Variants in RCAN2 observed in about 807,000 individuals in gnomAD.
RCAN2 encodes the protein calcipressin-2.
RCAN2 carries 9 observed loss-of-function variants against 23.6 expected under a neutral mutation model. The observed-to-expected ratio is 0.38, with a 90% confidence interval of 0.23 to 0.67. RCAN2 has a LOEUF of 0.67. Ranked by LOEUF, RCAN2 falls within the 30% of genes least tolerant of loss-of-function variation. RCAN2 has a pLI of 0.51. For missense variants in RCAN2, 273 were observed against 302.3 expected (o/e 0.90, Z 0.72); for synonymous variants, 109 against 115.7 (o/e 0.94, Z 0.37).
At chr6:46,415,199 T>A (rs774781943) in intron 2 of RCAN2, among the ~76,000 whole-genome samples, 2 of 152,098 alleles carry the variant, frequency 1.3e-5, no homozygotes. Context: ...CACTGCACTA[T>A]CCACATGAGC....
intron 2 of RCAN2, among the ~76,000 whole-genome samples, chr6:46,351,933 T>C (rs2150378571): frequency 6.6e-6 from 1 of 152,334 alleles, no homozygotes; most frequent in Non-Finnish European, 1.5e-5. Context: ...CTCTTCCCTC[T>C]GTTCAATGCT....
At chr6:46,380,594 C>T (rs144905021) in intron 2 of RCAN2, among the ~76,000 whole-genome samples, 2,596 of 152,304 alleles carry the variant, frequency 0.017, 53 homozygotes, top group South Asian at 0.12. Context: ...CTGTGTTTAG[C>T]AAGCTCTGCA....
intron 2 of RCAN2, among the ~76,000 whole-genome samples, chr6:46,418,061 C>T (rs1315904485): frequency 6.6e-6 from 1 of 152,112 alleles, no homozygotes; most frequent in Non-Finnish European, 1.5e-5. Flanking sequence ...CATCATTTGA[C>T]ATTAATCATA....
chr6:46,225,756 G>T (rs1259448416), intron 4 of RCAN2, among the ~76,000 whole-genome samples: 1 of 152,174 alleles, frequency 6.6e-6, no homozygotes, highest in Non-Finnish European at 1.5e-5. Flanking sequence ...TCTGATGGTA[G>T]TTTCTTTTGC....
At chr6:46,236,301 C>T (rs1438607291) in intron 4 of RCAN2, among the ~76,000 whole-genome samples, 1 of 152,154 alleles carries the variant, frequency 6.6e-6, no homozygotes, top group African/African-American at 2.4e-5. Context: ...ATCCTTTTTC[C>T]TCCAACCACC....
chr6:46,456,497 G>T (rs566040828), intron 2 of RCAN2, among the ~76,000 whole-genome samples: 8 of 152,302 alleles, frequency 5.3e-5, no homozygotes, highest in African/African-American at 1.4e-4. Context: ...AACACCATTT[G>T]TTTTGCTAGA....
chr6:46,461,030 A>G (rs891206880), intron 1 of RCAN2, among the ~76,000 whole-genome samples: 1 of 152,250 alleles, frequency 6.6e-6, no homozygotes, highest in Admixed American at 6.5e-5. Flanking sequence ...TAGCAAAAAT[A>G]ACATTAATGT....
rs1470108133 is a variant in RCAN2 at position 46,240,327 on chromosome 6, T to A, written c.571+6421A>T. Among the ~76,000 whole-genome samples, 6 of 152,240 alleles carry A rather than the reference T, an allele frequency of 3.9e-5. No homozygotes were observed. The East Asian group carries it at 1.2e-3, about 29-fold the overall frequency. Reference sequence around the variant, plus strand: ...TCCCATTTTTTGGTCATATGTCTTCTGTTTTTCTACAATGTACACAGTTTA... The same window carrying A: ...TCCCATTTTTTGGTCATATGTCTTCAGTTTTTCTACAATGTACACAGTTTA... On this transcript the variant is annotated intron_variant, in intron 4 of 4. Transcript: ENST00000371374.
At chr6:46,438,093 A>G (rs1455865476) in intron 2 of RCAN2, among the ~76,000 whole-genome samples, 1 of 152,002 alleles carries the variant, frequency 6.6e-6, no homozygotes, top group African/African-American at 2.4e-5. Flanking sequence ...TGTCACCCCC[A>G]CTCATCAGTC....
chr6:46,401,193 C>T (rs549297254), intron 2 of RCAN2, among the ~76,000 whole-genome samples: 2 of 152,276 alleles, frequency 1.3e-5, no homozygotes, highest in Non-Finnish European at 2.9e-5. Context: ...AAAACTCTTC[C>T]CTGGAGCACA....
intron 2 of RCAN2, among the ~76,000 whole-genome samples, chr6:46,402,728 T>C (rs532158361): frequency 6.6e-6 from 1 of 152,292 alleles, no homozygotes; most frequent in South Asian, 2.1e-4. Flanking sequence ...ACACCCTTAT[T>C]GTCCAAACAT....
intron 2 of RCAN2, among the ~76,000 whole-genome samples, chr6:46,381,234 T>C (rs944024928): frequency 4.6e-5 from 7 of 152,204 alleles, no homozygotes; most frequent in Non-Finnish European, 8.8e-5. Context: ...TTCTGTGCTA[T>C]GAATGGCAAA....
rs570748914 is a variant in RCAN2 at position 46,225,829 on chromosome 6, C to T, written c.572-2528G>A. On this transcript the variant is annotated intron_variant, in intron 4 of 4. Transcript: ENST00000371374. ...TCAATTTTGGCTTTTGTTGCCATTG[C>T]TTCTGGTGTTTCAGTCATGAAGTCC... Among the ~76,000 whole-genome samples the T allele has an allele frequency of 3.9e-5, 6 of 152,284 alleles. No individual in the cohort carries two copies. The South Asian group carries it at 1.2e-3, about 32-fold the overall frequency.
intron 2 of RCAN2, among the ~76,000 whole-genome samples, chr6:46,257,347 G>C (rs990755525): frequency 6.6e-6 from 1 of 152,102 alleles, no homozygotes; most frequent in Non-Finnish European, 1.5e-5. Flanking sequence ...GCAAGAATTG[G>C]AATTTTTGTT....
At chr6:46,463,521 A>T (rs1219622677) in intron 1 of RCAN2, among the ~76,000 whole-genome samples, 3 of 152,198 alleles carry the variant, frequency 2.0e-5, no homozygotes, top group Non-Finnish European at 4.4e-5. Flanking sequence ...TCCAAGGAAC[A>T]GGGTGATGAT....
chr6:46,477,535 T>C (rs776194815), intron 1 of RCAN2, among the ~76,000 whole-genome samples: 1 of 152,146 alleles, frequency 6.6e-6, no homozygotes, highest in Non-Finnish European at 1.5e-5. Flanking sequence ...TGGAGGAAGA[T>C]ATTATGAGGA....
In RCAN2 at chr6:46,469,407, C is replaced by G. The variant is rs541746370; in HGVS notation, c.-2-12429G>C. Among the ~76,000 whole-genome samples, 5 of 152,196 alleles carry G rather than the reference C, an allele frequency of 3.3e-5. No homozygotes were observed. The East Asian group carries it at 5.8e-4, about 18-fold the overall frequency. On this transcript the variant is annotated intron_variant, in intron 1 of 4. Coordinates refer to ENST00000371374, the MANE Select transcript of RCAN2 (RefSeq NM_001251974.2). ...GACCAGTTCACCACATCCCTCACCC[C>G]CTCCAGCAGCTGATCAGTGGCTAGG... is the stretch of plus-strand genomic sequence containing the variant.
At chr6:46,450,839 G>C (rs1375959692) in intron 2 of RCAN2, among the ~76,000 whole-genome samples, 2 of 152,016 alleles carry the variant, frequency 1.3e-5, no homozygotes, top group African/African-American at 4.8e-5. Flanking sequence ...GAGTTCAAAA[G>C]ATCTATTCTA....
chr6:46,468,778 G>T (rs1297080901), intron 1 of RCAN2: 26 of 981,566 alleles, frequency 2.6e-5, no homozygotes, highest in Non-Finnish European at 3.1e-5. Context: ...CTCTCCGCTA[G>T]ATGTTCCAGA....
Sources: gnomAD v4.1 joint callset for allele counts (sites outside exome capture counted in the v4.1 genomes callset) on GRCh38, gnomAD v4.1.1 for gene constraint, MANE v1.5 for transcripts, NCBI Gene and HGNC (gene_info 2026-07-23, HGNC 2026-07-21) for gene names.